The following ZNF786 variants were observed in gnomAD, a reference collection of about 807,000 sequenced individuals.
The protein encoded by ZNF786 is zinc finger protein 786.
Under a neutral mutation model 63.1 loss-of-function variants are expected in ZNF786, and 56 were observed. The observed-to-expected ratio is 0.89, with a 90% confidence interval of 0.72 to 1.11. The LOEUF (loss-of-function observed/expected upper bound fraction) is 1.11. ZNF786 is among the 50% of genes least tolerant of loss of function. ZNF786 has a pLI of 0.00. For synonymous variants in ZNF786, 485 were observed against 406.9 expected, an observed-to-expected ratio of 1.19 and a Z score of -2.31; for missense variants, 1,213 against 1,041.8, an observed-to-expected ratio of 1.16 and a Z score of -2.26.
intron 2 of ZNF786, among the ~76,000 whole-genome samples, chr7:149,075,545 A>G (rs1343465541): frequency 6.6e-6 from 1 of 151,502 alleles, no homozygotes; most frequent in Non-Finnish European, 1.5e-5. Flanking sequence ...GCACCTGGCC[A>G]GTGGTTTAAC....
rs1326332339 is a variant in ZNF786, at chr7:149,074,657, A to AC, written c.146-120_146-119insG. On this transcript the variant is annotated intron_variant, in intron 2 of 3. Transcript: ENST00000491431. ...ATGAGAACAACATGTCAAAAAAAAAAAAACAGGTTTACACAAAGATGAAAA... is the reference window on the plus strand; with the variant it reads ...ATGAGAACAACATGTCAAAAAAAAAACAAACAGGTTTACACAAAGATGAAAA... The AC allele has an allele frequency of 3.2e-6, 4 of 1,246,976 alleles. No individual in the cohort carries two copies. The Admixed American group carries it at 1.2e-4, about 37-fold the overall frequency. The allele number at this position is 1,246,976 out of a possible 1,614,324, so 77.2% of individuals were successfully genotyped here.
Position 149,072,133 on chromosome 7 carries a change from C to T in ZNF786, c.639G>A (p.Arg213=). ...VMHQRGHSKD[R]TRRAWEKFNK... is the part of the protein sequence containing the mutation. ...TGAATTTCTCCCAGGCCCTACGTGT[C>T]CGGTCCTTTGAGTGGCCTCTCTGGT... The change falls in exon 4 of 4, where the codon CGG becomes CGA. Residue 213 remains arginine, a synonymous_variant. Coordinates refer to ENST00000491431, the MANE Select transcript of ZNF786 (RefSeq NM_152411.4). 1 of 1,613,190 alleles carries T rather than the reference C, an allele frequency of 6.2e-7. No individual in the cohort carries two copies. The highest frequency in any genetic ancestry group is 1.3e-5 in the African/African-American group (1 of 75,046).
chr7:149,070,242 T>C lies in ZNF786; in HGVS notation c.*181A>G. 1 of 738,998 alleles carries C rather than the reference T, an allele frequency of 1.4e-6. No individual in the cohort carries two copies. Among genetic ancestry groups the C allele is most frequent in the Non-Finnish European group, 2.1e-6 (1 of 470,758 alleles). 45.8% of individuals were successfully genotyped at this position (738,998 alleles called of 1,614,324 possible). A position where few individuals can be genotyped will look rare whatever the true frequency, so the allele number is the denominator to read the frequency against. On this transcript the variant is annotated 3_prime_UTR_variant, in exon 4 of 4. Transcript: ENST00000491431. ...AAAAAAAAAAAAGAAAGAAATATAA[T>C]TGGTGATGCTTCTGAAGAGAAAATC...
intron 3 of ZNF786, among the ~76,000 whole-genome samples, chr7:149,074,134 G>C (rs927209651): frequency 1.3e-5 from 2 of 151,712 alleles, no homozygotes; most frequent in African/African-American, 4.8e-5. Context: ...GTTAACATGG[G>C]TACTTTCATT....
At chr7:149,083,187 G>A (rs911587394) in intron 1 of ZNF786, among the ~76,000 whole-genome samples, 1 of 151,786 alleles carries the variant, frequency 6.6e-6, no homozygotes, top group Admixed American at 6.6e-5. Flanking sequence ...GCGAGCCACC[G>A]CACCCAGCCA....
intron 2 of ZNF786, among the ~76,000 whole-genome samples, chr7:149,077,555 G>A (rs1442316277): frequency 6.6e-6 from 1 of 151,970 alleles, no homozygotes; most frequent in African/African-American, 2.4e-5. Flanking sequence ...GTGAACCCGG[G>A]AGGCGGAGCT....
chr7:149,089,876 G>A (rs1050013170), intron 1 of ZNF786, among the ~76,000 whole-genome samples: 1 of 151,500 alleles, frequency 6.6e-6, no homozygotes, highest in Non-Finnish European at 1.5e-5. Flanking sequence ...ATCATGCCAG[G>A]CTAATTTTTT....
At position 149,072,281 on chromosome 7, in the gene ZNF786, C is replaced by A; in HGVS notation, c.491G>T (p.Gly164Val). Residue 164 changes from glycine (G) to valine (V), a missense_variant, in exon 4 of 4, where the codon GGA (glycine) becomes GTA (valine). Coordinates refer to ENST00000491431, the MANE Select transcript of ZNF786 (RefSeq NM_152411.4). ...ATCCAGATTTCTGGGACCTGGGATT[C>A]CTTCTTTTAGGGTAGATTCACTGGG... ...CGPSESTLKEGIPGPRNLDLP... is the reference protein window; with the variant it reads ...CGPSESTLKEVIPGPRNLDLP... The A allele has an allele frequency of 6.2e-7, 1 of 1,613,630 alleles. No individual in the cohort carries two copies. Among genetic ancestry groups the A allele is most frequent in the Non-Finnish European group, 8.5e-7 (1 of 1,179,802 alleles).
rs762104138 is a variant in ZNF786, at chr7:149,071,107, G to T, written c.1665C>A (p.His555Gln). Residue 555 changes from histidine to glutamine, a missense_variant, in exon 4 of 4, where the codon CAC becomes CAA. Transcript: ENST00000491431. ...RFRLKGILKA[H>Q]QHTHSKERPF... The stretch of plus-strand genomic sequence containing the variant: ...GCCTCTCCTTGCTGTGCGTGTGCTG[G>T]TGGGCCTTCAGGATGCCCTTCAGGC... 3 of 1,610,976 alleles carry T rather than the reference G, an allele frequency of 1.9e-6. No individual in the cohort carries two copies. In the African/African-American group the frequency reaches 4.0e-5, roughly 22 times the overall value.
intron 2 of ZNF786, among the ~76,000 whole-genome samples, chr7:149,077,884 A>G (rs1237316609): frequency 5.0e-5 from 7 of 139,208 alleles, no homozygotes; most frequent in Non-Finnish European, 7.7e-5. Context: ...TTTTTTTTTG[A>G]GATGAAGTCT....
chr7:149,073,734 T>TGC (rs1825479893), intron 3 of ZNF786, among the ~76,000 whole-genome samples: 1 of 65,898 alleles, frequency 1.5e-5, no homozygotes, highest in Admixed American at 1.7e-4. Flanking sequence ...CGTGTGTGTG[T>TGC]GTGTGTGTGT....
chr7:149,087,993 C>CTTTTTT (rs11304737), intron 1 of ZNF786, among the ~76,000 whole-genome samples: 2 of 126,268 alleles, frequency 1.6e-5, no homozygotes, highest in Non-Finnish European at 1.7e-5. Flanking sequence ...GTTGCCCAGG[C>CTTTTTT]TTTTTTTTTT....
chr7:149,070,243 T>C lies in ZNF786; in HGVS notation c.*180A>G, dbSNP rs1825374974. ...AAAAAAAAAAAGAAAGAAATATAAT[T>C]GGTGATGCTTCTGAAGAGAAAATCC... is the stretch of plus-strand genomic sequence containing the variant. On this transcript the variant is annotated 3_prime_UTR_variant, in exon 4 of 4. Transcript: ENST00000491431. 2.6e-6 allele frequency: 2 copies of C among 766,734 alleles called. No individual in the cohort carries two copies. The highest frequency in any genetic ancestry group is 4.1e-6 in the Non-Finnish European group (2 of 492,202). The allele number at this position is 766,734 out of a possible 1,614,324, so 47.5% of individuals were successfully genotyped here.
chr7:149,073,745 GTGTATA>G (rs1388522775), intron 3 of ZNF786, among the ~76,000 whole-genome samples: 26 of 67,736 alleles, frequency 3.8e-4, no homozygotes, highest in African/African-American at 6.2e-4. Flanking sequence ...GTGTGTGTGT[GTGTATA>G]TATATATATA....
At chr7:149,076,147 T>C (rs1315386693) in intron 2 of ZNF786, among the ~76,000 whole-genome samples, 1 of 151,860 alleles carries the variant, frequency 6.6e-6, no homozygotes, top group African/African-American at 2.4e-5. Flanking sequence ...AAAGTTTCAC[T>C]CTTGTTGCCC....
rs536825689 is a variant in ZNF786, at chr7:149,086,988, G to A, written c.18+3635C>T. Among the ~76,000 whole-genome samples the A allele has an allele frequency of 3.3e-5, 5 of 152,118 alleles. No individual in the cohort carries two copies. In the South Asian group the frequency reaches 8.3e-4, roughly 25 times the overall value. ...CTCCCAAGCAGCTGGGACTACAGGC[G>A]CCTGCCAACATGCTCGGCTAATTTT... On this transcript the variant is annotated intron_variant, in intron 1 of 3. Transcript: ENST00000491431.
chr7:149,087,391 T>G (rs1825755312), intron 1 of ZNF786, among the ~76,000 whole-genome samples: 1 of 152,212 alleles, frequency 6.6e-6, no homozygotes, highest in African/African-American at 2.4e-5. Context: ...CAGAACAATT[T>G]TGTCCCCTGG....
rs374720932 is a variant in ZNF786 at position 149,071,479 on chromosome 7, G to A, written c.1293C>T (p.Gly431=). The change falls in exon 4 of 4, where the codon GGC becomes GGT. Residue 431 remains glycine (G), a synonymous_variant. Coordinates refer to ENST00000491431, the MANE Select transcript of ZNF786 (RefSeq NM_152411.4). Reference sequence around the variant, plus strand: ...GTTTACACTGCTTGGCGAAGCCCTTGCCACACTTCCTGCAGGAGAACGGTC... The same window carrying A: ...GTTTACACTGCTTGGCGAAGCCCTTACCACACTTCCTGCAGGAGAACGGTC... ...GERPFSCRKC[G]KGFAKQCKLT... The A allele has an allele frequency of 1.2e-6, 2 of 1,613,234 alleles. No individual in the cohort carries two copies. The highest frequency in any genetic ancestry group is 2.7e-5 in the African/African-American group (2 of 74,888).
Position 149,070,891 on chromosome 7 carries a change from G to T in ZNF786, c.1881C>A (p.Asp627Glu). 1 of 1,613,778 alleles carries T rather than the reference G, an allele frequency of 6.2e-7. No individual in the cohort carries two copies. Among genetic ancestry groups the T allele is most frequent in the Non-Finnish European group, 8.5e-7 (1 of 1,180,004 alleles). Residue 627 changes from aspartate to glutamate, a missense_variant, in exon 4 of 4, where the codon GAC becomes GAA. Transcript: ENST00000491431. ...TGTCGGCCTTCACGCGATAGCGCTT[G>T]TCGCACTCCGGACACTGGAAGGGCC... ...GERPFQCPEC[D>E]KRYRVKADMK...
Sources: allele counts gnomAD v4.1 joint callset (sites outside exome capture counted in the v4.1 genomes callset), GRCh38; gene constraint gnomAD v4.1.1; transcripts MANE v1.5; gene names NCBI Gene and HGNC (gene_info 2026-07-23, HGNC 2026-07-21).